The following CASQ1 variants were observed in gnomAD, a reference collection of about 807,000 sequenced individuals.
CASQ1 encodes the protein calsequestrin-1.
In CASQ1, 40 loss-of-function variants were observed where a neutral mutation model predicts 49.5. That is an observed-to-expected ratio of 0.81 (90% CI 0.63 to 1.05). The LOEUF (loss-of-function observed/expected upper bound fraction) is 1.05. CASQ1 is among the 50% of genes least tolerant of loss of function. The probability of loss-of-function intolerance (pLI) is 0.00; values close to 1 mark genes in which losing one functional copy is unlikely to be tolerated. For missense variants in CASQ1, 469 were observed against 486.9 expected (o/e 0.96, Z 0.35); for synonymous variants, 174 against 187.2 (o/e 0.93, Z 0.58).
chr1:160,195,883 C>G lies in CASQ1; in HGVS notation c.652-14C>G. The G allele has an allele frequency of 6.2e-7, 1 of 1,613,190 alleles. No homozygotes were observed. Reference sequence around the variant, plus strand: ...GTCTCCTGCTCCACTCCCCTCCTACCCCCTCTCCCAAAGGTGGCAAAGAAG... The same window carrying G: ...GTCTCCTGCTCCACTCCCCTCCTACGCCCTCTCCCAAAGGTGGCAAAGAAG... On this transcript the variant is annotated splice_polypyrimidine_tract_variant and intron_variant, in intron 5 of 10. Transcript: ENST00000368078.
Position 160,201,481 on chromosome 1 carries a change from C to T in CASQ1, c.*105C>T. On this transcript the variant is annotated 3_prime_UTR_variant, in exon 11 of 11. Coordinates refer to ENST00000368078, the MANE Select transcript of CASQ1 (RefSeq NM_001231.5). ...CCAGGGAGACTAGGTTATTCTCTGCCATAGAGCTAACTGGGGTCTATATGC... is the reference window on the plus strand; with the variant it reads ...CCAGGGAGACTAGGTTATTCTCTGCTATAGAGCTAACTGGGGTCTATATGC... The T allele has an allele frequency of 8.0e-7, 1 of 1,256,796 alleles. No individual in the cohort carries two copies. Among genetic ancestry groups the T allele is most frequent in the South Asian group, 1.4e-5 (1 of 71,814 alleles). The allele number at this position is 1,256,796 out of a possible 1,614,324, so 77.9% of individuals were successfully genotyped here.
chr1:160,194,163 AC>A (rs1455611109), intron 3 of CASQ1, among the ~76,000 whole-genome samples: 1 of 144,122 alleles, frequency 6.9e-6, no homozygotes, highest in East Asian at 2.0e-4. Context: ...CATACCACAC[AC>A]CCATCACACA....
Position 160,198,677 on chromosome 1 carries a change from G to A in CASQ1, c.829G>A (p.Glu277Lys). The change falls in exon 8 of 11, where the codon GAG (glutamate) becomes AAG (lysine). Residue 277 changes from glutamate to lysine, a missense_variant and splice_region_variant. Transcript: ENST00000368078. Reference sequence around the variant, plus strand: ...TGTTCTCCTTCTTACCCCCTGACAGGAGGATGATATGGATGGAATCCACAT... The same window carrying A: ...TGTTCTCCTTCTTACCCCCTGACAGAAGGATGATATGGATGGAATCCACAT... The part of the protein sequence containing the change: ...LKPESMYETW[E>K]DDMDGIHIVA... 1 of 1,613,134 alleles carries A rather than the reference G, an allele frequency of 6.2e-7. No homozygotes were observed. Among genetic ancestry groups the A allele is most frequent in the East Asian group, 2.2e-5 (1 of 44,876 alleles).
Position 160,190,862 on chromosome 1 carries a change from G to T in CASQ1, c.111G>T (p.Gly37=). The T allele has an allele frequency of 3.7e-6, 6 of 1,614,210 alleles. No homozygotes were observed. Among genetic ancestry groups the T allele is most frequent in the Non-Finnish European group, 5.1e-6 (6 of 1,180,040 alleles). ...AGTCAGGGGTACAGGGGCAGGAAGG[G>T]CTGGACTTCCCTGAGTACGATGGTG... ...TPKSGVQGQE[G]LDFPEYDGVD... Residue 37 remains glycine, a synonymous_variant, in exon 1 of 11, where the codon GGG becomes GGT. Transcript: ENST00000368078.
rs1437391021 is a variant in CASQ1, at chr1:160,190,739, T to C, written c.-13T>C. Reference sequence around the variant, plus strand: ...TCTGGACCAGGAGAGCCAACCCAGATCCCACTACCTCCATGAGTGCTACAG... The same window carrying C: ...TCTGGACCAGGAGAGCCAACCCAGACCCCACTACCTCCATGAGTGCTACAG... On this transcript the variant is annotated 5_prime_UTR_variant, in exon 1 of 11. Coordinates refer to ENST00000368078, the MANE Select transcript of CASQ1 (RefSeq NM_001231.5). The C allele has an allele frequency of 6.2e-7, 1 of 1,609,436 alleles. No individual in the cohort carries two copies. The highest frequency in any genetic ancestry group is 8.5e-7 in the Non-Finnish European group (1 of 1,176,530).
rs539896461 is a variant in CASQ1, at chr1:160,198,658, C to T, written c.829-19C>T. On this transcript the variant is annotated intron_variant, in intron 7 of 10. Transcript: ENST00000368078. ...AAGGTCTTCTCCAAAACCCTGTTCT[C>T]CTTCTTACCCCCTGACAGGAGGATG... 7.3e-5 allele frequency: 118 copies of T among 1,607,716 alleles called. 2 individuals carry two copies. In the South Asian group the frequency reaches 1.0e-3, roughly 14 times the overall value.
At chr1:160,200,913 G>A (rs939434828) in intron 10 of CASQ1, among the ~76,000 whole-genome samples, 12 of 152,310 alleles carry the variant, frequency 7.9e-5, no homozygotes, top group South Asian at 6.2e-4. Flanking sequence ...CCTGAATGCC[G>A]AAGAGTTGCT....
chr1:160,196,677 C>T (rs565826220), intron 6 of CASQ1, among the ~76,000 whole-genome samples: 9 of 152,102 alleles, frequency 5.9e-5, no homozygotes, highest in South Asian at 2.1e-4. Flanking sequence ...GGTTTCACCA[C>T]GTTGGCCTGG....
intron 10 of CASQ1, among the ~76,000 whole-genome samples, 161 bp from the exon 11 acceptor site, chr1:160,201,080 AACCC>A: frequency 5.4e-3 from 1 of 184 alleles, no homozygotes; most frequent in Non-Finnish European, 0.025. Context: ...TCACTATTCT[AACCC>A]ATAACCCATA....
chr1:160,195,661 C>T (rs10908769), intron 5 of CASQ1, 127 bp downstream of exon 5: 342,428 of 781,698 alleles, frequency 0.44, 85,415 homozygotes, highest in Non-Finnish European at 0.48. Flanking sequence ...TGCCCCCCCC[C>T]CCGGCTCCTC....
chr1:160,201,607 C>T lies in CASQ1; in HGVS notation c.*231C>T, dbSNP rs1654378732. The T allele has an allele frequency of 3.5e-6, 2 of 577,158 alleles. No homozygotes were observed. Among genetic ancestry groups the T allele is most frequent in the Admixed American group, 3.0e-5 (1 of 33,324 alleles). The allele number at this position is 577,158 out of a possible 1,614,324, so 35.8% of individuals were successfully genotyped here. ...TCTTATCTGACTTCTGTTTCTTATC[C>T]CATAACTTACTTGTATCTATTATGT... On this transcript the variant is annotated 3_prime_UTR_variant, in exon 11 of 11. Transcript: ENST00000368078.
intron 3 of CASQ1, 95 bp downstream of exon 3, chr1:160,193,942 C>A: frequency 2.7e-6 from 2 of 737,770 alleles, no homozygotes; most frequent in South Asian, 1.4e-5. Flanking sequence ...CACACACACA[C>A]CACACACACA....
intron 3 of CASQ1, among the ~76,000 whole-genome samples, chr1:160,194,280 C>T (rs1341128319): frequency 6.7e-6 from 1 of 149,900 alleles, no homozygotes; most frequent in African/African-American, 2.5e-5. Context: ...ACACACACCA[C>T]ATCCATGCCA....
intron 5 of CASQ1, 62 bp downstream of exon 5, chr1:160,195,596 T>C: frequency 6.8e-7 from 1 of 1,479,528 alleles, no homozygotes; most frequent in Admixed American, 1.7e-5. Context: ...TCCAGTTTCC[T>C]CTCCCAGAAT....
At position 160,195,023 on chromosome 1, in the gene CASQ1, C is replaced by A; in HGVS notation, c.477C>A (p.Asp159Glu). ...TCCTCCTCTTTCAGGTCCTAGAGGA[C>A]CCTGTGGAATTGATTGAAGGTGAAC... is the stretch of plus-strand genomic sequence containing the variant. ...IVEFLLDVLE[D>E]PVELIEGERE... The change falls in exon 4 of 11, where the codon GAC (aspartate) becomes GAA (glutamate). Residue 159 changes from aspartate (D) to glutamate (E), a missense_variant. Coordinates refer to ENST00000368078, the MANE Select transcript of CASQ1 (RefSeq NM_001231.5). 1 of 1,607,284 alleles carries A rather than the reference C, an allele frequency of 6.2e-7. No homozygotes were observed. The highest frequency in any genetic ancestry group is 1.1e-5 in the South Asian group (1 of 90,426).
intron 3 of CASQ1, among the ~76,000 whole-genome samples, chr1:160,194,740 T>C (rs1453224468): frequency 1.0e-4 from 14 of 140,026 alleles, no homozygotes; most frequent in Non-Finnish European, 1.6e-5. Context: ...ACCACACTCA[T>C]ACCATCCACA....
chr1:160,199,289 T>C (rs1571052427), intron 9 of CASQ1, among the ~76,000 whole-genome samples: 1 of 152,162 alleles, frequency 6.6e-6, no homozygotes, highest in Admixed American at 6.5e-5. Flanking sequence ...GTAGCTCAGG[T>C]GCTAGGGCTG....
At chr1:160,193,942 C>CCA (rs879252751) in intron 3 of CASQ1, 95 bp downstream of exon 3, 71 of 737,570 alleles carry the variant, frequency 9.6e-5, no homozygotes, top group South Asian at 6.2e-4. Flanking sequence ...CACACACACA[C>CCA]CACACACACA....
At position 160,195,469 on chromosome 1, in the gene CASQ1, G is replaced by C. The variant is rs1654196104; in HGVS notation, c.586G>C (p.Ala196Pro). The C allele has an allele frequency of 1.2e-6, 2 of 1,613,936 alleles. No individual in the cohort carries two copies. Among genetic ancestry groups the C allele is most frequent in the South Asian group, 2.2e-5 (2 of 91,082 alleles). The change falls in exon 5 of 11, where the codon GCC becomes CCC. Residue 196 changes from alanine to proline, a missense_variant. Coordinates refer to ENST00000368078, the MANE Select transcript of CASQ1 (RefSeq NM_001231.5). ...FKSKDSEHYK[A>P]FEDAAEEFHP... ...TGCATTCCACCCCCCAGATTACAAA[G>C]CCTTCGAGGATGCAGCTGAGGAGTT... is the stretch of plus-strand genomic sequence containing the variant.
Sources: allele counts gnomAD v4.1 joint callset (sites outside exome capture counted in the v4.1 genomes callset), GRCh38; gene constraint gnomAD v4.1.1; transcripts MANE v1.5; gene names NCBI Gene and HGNC (gene_info 2026-07-23, HGNC 2026-07-21).